The following GALNT13 variants were observed in gnomAD, a reference collection of about 807,000 sequenced individuals.
The protein encoded by GALNT13 is polypeptide N-acetylgalactosaminyltransferase 13.
A neutral mutation model predicts 64.2 loss-of-function variants in GALNT13; 28 were observed. The ratio of observed to expected loss-of-function variants is 0.44; its 90% CI spans 0.32 to 0.60. The LOEUF is 0.60. Ranked by LOEUF, GALNT13 falls within the 20% of genes least tolerant of loss-of-function variation. GALNT13 has a pLI of 0.05. For synonymous variants in GALNT13, 214 were observed against 224.6 expected (o/e 0.95, Z 0.42); for missense variants, 577 against 669.8 (o/e 0.86, Z 1.53).
the GALNT13 span, among the ~76,000 whole-genome samples, chr2:153,104,420 T>C: frequency 6.6e-6 from 1 of 152,168 alleles, no homozygotes; most frequent in African/African-American, 2.4e-5. Flanking sequence ...CTGACTTTAC[T>C]AAGAAAAGTA....
the GALNT13 span, among the ~76,000 whole-genome samples, chr2:153,116,794 C>CTTTTTTTT: frequency 1.3e-4 from 11 of 82,462 alleles, no homozygotes; most frequent in Admixed American, 3.9e-4. Context: ...GTGTTGTCTT[C>CTTTTTTTT]TTTTTTTTTT....
chr2:153,751,368 T>TG, the GALNT13 span, among the ~76,000 whole-genome samples: 2 of 151,724 alleles, frequency 1.3e-5, no homozygotes, highest in Non-Finnish European at 3.0e-5. Flanking sequence ...TGTTTTGTTT[T>TG]TTTTTTCTCT....
At chr2:153,101,332 A>G in the GALNT13 span, among the ~76,000 whole-genome samples, 2 of 151,938 alleles carry the variant, frequency 1.3e-5, no homozygotes, top group African/African-American at 4.8e-5. Context: ...TTTGAAAAAC[A>G]CACTGTGTTT....
chr2:154,305,072 G>A (rs77825180), intron 9 of GALNT13, among the ~76,000 whole-genome samples: 3,220 of 152,260 alleles, frequency 0.021, 90 homozygotes, highest in African/African-American at 0.066. Context: ...TGAGCCCTGG[G>A]AAGATTTCAG....
chr2:154,025,106 G>C (rs200645132), intron 3 of GALNT13, among the ~76,000 whole-genome samples: 1 of 152,124 alleles, frequency 6.6e-6, no homozygotes, highest in Admixed American at 6.5e-5. Flanking sequence ...CGCCCCTACT[G>C]GGGGGTGCCT....
At chr2:154,430,968 A>G (rs1464109512) in intron 11 of GALNT13, among the ~76,000 whole-genome samples, 1 of 152,240 alleles carries the variant, frequency 6.6e-6, no homozygotes, top group African/African-American at 2.4e-5. Context: ...CACGCTTAAT[A>G]TGGCTACAGT....
chr2:154,075,023 C>A (rs1436890773), intron 3 of GALNT13, among the ~76,000 whole-genome samples: 1 of 151,804 alleles, frequency 6.6e-6, no homozygotes, highest in Non-Finnish European at 1.5e-5. Flanking sequence ...CACTTCTATT[C>A]AACATAGTAC....
At chr2:154,371,646 C>G (rs1361828502) in intron 9 of GALNT13, among the ~76,000 whole-genome samples, 1 of 151,928 alleles carries the variant, frequency 6.6e-6, no homozygotes, top group Non-Finnish European at 1.5e-5. Context: ...GAAATCACAT[C>G]TGATGGTAAC....
chr2:153,930,384 TTCA>T (rs1247777711), intron 2 of GALNT13, among the ~76,000 whole-genome samples: 1 of 152,202 alleles, frequency 6.6e-6, no homozygotes, highest in Non-Finnish European at 1.5e-5. Context: ...TTTTGGCATC[TTCA>T]TCATGAAATC....
chr2:154,062,400 T>A (rs1700234427), intron 3 of GALNT13, among the ~76,000 whole-genome samples: 1 of 152,204 alleles, frequency 6.6e-6, no homozygotes, highest in South Asian at 2.1e-4. Flanking sequence ...CTTTTCTTCT[T>A]ATTTGACCAT....
At chr2:153,817,308 C>A in the GALNT13 span, among the ~76,000 whole-genome samples, 9 of 152,280 alleles carry the variant, frequency 5.9e-5, no homozygotes, top group Admixed American at 3.9e-4. Context: ...GGCTTTTGAA[C>A]CTTCTAGGCC....
chr2:153,500,744 C>A, the GALNT13 span, among the ~76,000 whole-genome samples: 1 of 151,862 alleles, frequency 6.6e-6, no homozygotes, highest in South Asian at 2.1e-4. Context: ...CAAAACAAGA[C>A]AACAATTGTC....
At chr2:153,900,183 C>T (rs901200806) in intron 1 of GALNT13, among the ~76,000 whole-genome samples, 1 of 151,894 alleles carries the variant, frequency 6.6e-6, no homozygotes, top group Non-Finnish European at 1.5e-5. Flanking sequence ...TATTATATGT[C>T]TTTGAACAGT....
At chr2:153,417,112 G>C in the GALNT13 span, among the ~76,000 whole-genome samples, 1 of 152,142 alleles carries the variant, frequency 6.6e-6, no homozygotes, top group African/African-American at 2.4e-5. Context: ...AGCACACAAA[G>C]AGGATATCTG....
chr2:154,285,044 G>C (rs1483730186), intron 8 of GALNT13, among the ~76,000 whole-genome samples: 1 of 152,006 alleles, frequency 6.6e-6, no homozygotes, highest in Non-Finnish European at 1.5e-5. Flanking sequence ...TATCTGTTCA[G>C]ATCACTTGCC....
At chr2:153,866,621 TTCA>T in the GALNT13 span, among the ~76,000 whole-genome samples, 1 of 152,208 alleles carries the variant, frequency 6.6e-6, no homozygotes, top group Non-Finnish European at 1.5e-5. Flanking sequence ...TTATACTTTC[TTCA>T]TGTCATGAAA....
the GALNT13 span, among the ~76,000 whole-genome samples, chr2:153,304,715 T>G: frequency 6.6e-6 from 1 of 152,246 alleles, no homozygotes; most frequent in Admixed American, 6.5e-5. Context: ...ATTTCCCAGC[T>G]GGGCAAATAA....
the GALNT13 span, among the ~76,000 whole-genome samples, chr2:153,422,448 A>T: frequency 6.6e-6 from 1 of 152,222 alleles, no homozygotes. Flanking sequence ...TTTACAAAAG[A>T]TGAGTAACTT....
At chr2:153,302,397 GGTTTT>G in the GALNT13 span, among the ~76,000 whole-genome samples, 1 of 151,572 alleles carries the variant, frequency 6.6e-6, no homozygotes, top group Non-Finnish European at 1.5e-5. Flanking sequence ...TTTAAATCAG[GGTTTT>G]GTTTTTGTTT....
Sources: gnomAD v4.1 joint callset for allele counts (sites outside exome capture counted in the v4.1 genomes callset) on GRCh38, gnomAD v4.1.1 for gene constraint, MANE v1.5 for transcripts, NCBI Gene and HGNC (gene_info 2026-07-23, HGNC 2026-07-21) for gene names.